The following NRXN2 variants were observed in gnomAD, a reference collection of about 807,000 sequenced individuals.
NRXN2 encodes the protein neurexin 2.
NRXN2 carries 29 observed loss-of-function variants against 128.8 expected under a neutral mutation model. That is an observed-to-expected ratio of 0.23 (90% CI 0.17 to 0.31). The LOEUF (loss-of-function observed/expected upper bound fraction) is 0.31, where lower values mean the gene tolerates loss of function less well. Ranked by LOEUF, NRXN2 falls within the 10% of genes least tolerant of loss-of-function variation. The probability of loss-of-function intolerance (pLI) is 1.00; values close to 1 mark genes in which losing one functional copy is unlikely to be tolerated. For synonymous variants in NRXN2, 1,098 were observed against 1,075.2 expected, an observed-to-expected ratio of 1.02 and a Z score of -0.41; for missense variants, 1,881 against 2,452.6, an observed-to-expected ratio of 0.77 and a Z score of 4.92.
intron 7 of NRXN2, among the ~76,000 whole-genome samples, chr11:64,669,144 T>C (rs1179507563): frequency 1.3e-5 from 2 of 152,136 alleles, no homozygotes; most frequent in East Asian, 1.9e-4. Flanking sequence ...CTGGACCCAG[T>C]AGGGAGATGG....
In NRXN2 at chr11:64,635,589, C is replaced by T. The variant is rs908129765; in HGVS notation, c.3404-137G>A. 1 of 958,614 alleles carries T rather than the reference C, an allele frequency of 1.0e-6. No homozygotes were observed. The highest frequency in any genetic ancestry group is 1.6e-6 in the Non-Finnish European group (1 of 621,854). The allele number at this position is 958,614 out of a possible 1,614,324, so 59.4% of individuals were successfully genotyped here. ...TCAGCTGTGATACCCACAGCAGCCA[C>T]CAGCCCTGCCACCCCAGGGAGAAGT... On this transcript the variant is annotated intron_variant, in intron 17 of 22. Transcript: ENST00000265459. This position sits in a 1 kb window ranked among gnomAD's most constrained non-coding sequence, Gnocchi z 4.8.
Position 64,660,938 on chromosome 11 carries a change from C to T in NRXN2, c.2000G>A (p.Ser667Asn), listed in dbSNP as rs1323339391. ...CTCAGCCAGGCCCCGGAGGTCTCGGCTACGCCCATCTATGAAGAGGTCCCG... is the reference window on the plus strand; with the variant it reads ...CTCAGCCAGGCCCCGGAGGTCTCGGTTACGCCCATCTATGAAGAGGTCCCG... Reference protein sequence around the residue: ...CVRDLFIDGRSRDLRGLAEAQ... With the variant: ...CVRDLFIDGRNRDLRGLAEAQ... Residue 667 changes from serine to asparagine, a missense_variant, in exon 10 of 23, where the codon AGC (serine) becomes AAC (asparagine). By Grantham distance (46) the Ser-to-Asn change is conservative. This residue lies in a region of NRXN2 where 997 missense variants were observed against 1,240.8 expected (regional missense o/e 0.80). Transcript: ENST00000265459. The surrounding 1 kb of genome is among the most constrained non-coding windows in gnomAD (Gnocchi z 5.2). The T allele has an allele frequency of 6.2e-7, 1 of 1,613,698 alleles. No individual in the cohort carries two copies. The highest frequency in any genetic ancestry group is 2.2e-5 in the East Asian group (1 of 44,880).
intron 6 of NRXN2, among the ~76,000 whole-genome samples, chr11:64,681,228 C>T (rs2052230619): frequency 2.0e-5 from 3 of 151,554 alleles, no homozygotes; most frequent in Admixed American, 6.6e-5. Flanking sequence ...CATGGGTCCT[C>T]GTGTCCAAAA....
At chr11:64,688,512 G>A in intron 5 of NRXN2, 4 of 985,408 alleles carry the variant, frequency 4.1e-6, no homozygotes, top group Non-Finnish European at 4.8e-6. Context: ...CTGTAGGGGC[G>A]GCGGAGGGGC....
At chr11:64,669,546 G>T (rs2050348373) in intron 7 of NRXN2, among the ~76,000 whole-genome samples, 1 of 152,246 alleles carries the variant, frequency 6.6e-6, no homozygotes, top group South Asian at 2.1e-4. Context: ...GGGAGTACTT[G>T]GTATTCCAGG....
chr11:64,651,719 A>T lies in NRXN2; in HGVS notation c.2537-83T>A. 13 of 1,453,844 alleles carry T rather than the reference A, an allele frequency of 8.9e-6. No individual in the cohort carries two copies. The highest frequency in any genetic ancestry group is 1.4e-5 in the African/African-American group (1 of 72,112). The allele number at this position is 1,453,844 out of a possible 1,614,324, so 90.1% of individuals were successfully genotyped here. ...GGGTTCCCAGGAGCCTCCCCTCCAC[A>T]GGAGGGCCACCCATGAGTGACATCT... On this transcript the variant is annotated intron_variant, in intron 13 of 22. Coordinates refer to ENST00000265459, the MANE Select transcript of NRXN2 (RefSeq NM_015080.4). This position sits in a 1 kb window ranked among gnomAD's most constrained non-coding sequence, Gnocchi z 5.9.
intron 2 of NRXN2, among the ~76,000 whole-genome samples, chr11:64,708,363 G>C (rs2056551197): frequency 6.6e-6 from 1 of 152,148 alleles, no homozygotes. Context: ...TCCACCTGAG[G>C]TCTCACACAC....
Position 64,668,542 on chromosome 11 carries a change from C to T in NRXN2, c.1260G>A (p.Met420Ile), listed in dbSNP as rs2050200492. The T allele has an allele frequency of 1.2e-6, 2 of 1,614,118 alleles. No individual in the cohort carries two copies. The highest frequency in any genetic ancestry group is 4.5e-5 in the East Asian group (2 of 44,868). ...TGTAGAAGAAGTCATCAGAGCCCAG[C>T]ATGGTGTAATCCTCCTGCGTGTAGC... is the stretch of plus-strand genomic sequence containing the variant. ...TTGYTQEDYT[M>I]LGSDDFFYIG... Residue 420 changes from methionine to isoleucine, a missense_variant, in exon 8 of 23, where the codon ATG becomes ATA. Around this residue, in one of 7 missense-constraint regions of NRXN2, gnomAD observed 997 missense variants for 1,240.8 expected, o/e 0.80. Transcript: ENST00000265459.
chr11:64,620,420 A>G (rs747739488), intron 21 of NRXN2, 48 bp from the exon 22 acceptor site: 21 of 1,446,614 alleles, frequency 1.5e-5, no homozygotes, highest in Non-Finnish European at 1.9e-5. Flanking sequence ...CAGGCAGGTC[A>G]GCAGATCCCA....
At chr11:64,620,419 C>T (rs1195292582) in intron 21 of NRXN2, 47 bp from the exon 22 acceptor site, 2 of 1,446,078 alleles carry the variant, frequency 1.4e-6, no homozygotes, top group Admixed American at 2.0e-5. Context: ...CCAGGCAGGT[C>T]AGCAGATCCC....
chr11:64,663,502 G>C (rs1478389935), intron 9 of NRXN2, among the ~76,000 whole-genome samples: 1 of 152,052 alleles, frequency 6.6e-6, no homozygotes, highest in Admixed American at 6.5e-5. Flanking sequence ...ACTTCCCAGG[G>C]CTGGGGGCCC....
intron 1 of NRXN2, among the ~76,000 whole-genome samples, chr11:64,719,820 G>A (rs12282762): frequency 6.6e-6 from 1 of 152,194 alleles, no homozygotes. Context: ...GTAAGCATGA[G>A]GTGCCTGGGA....
chr11:64,622,455 G>A lies in NRXN2; in HGVS notation c.4173+298C>T, dbSNP rs2042500810. Among the ~76,000 whole-genome samples the A allele has an allele frequency of 1.3e-5, 2 of 152,196 alleles. No individual in the cohort carries two copies. Among genetic ancestry groups the A allele is most frequent in the Admixed American group, 1.3e-4 (2 of 15,282 alleles). ...CAAGTCCAGACTTCATCTCTCTTAG[G>A]TAGGGTGGTCTTCTCTCATATAACT... On this transcript the variant is annotated intron_variant, in intron 21 of 22. Coordinates refer to ENST00000265459, the MANE Select transcript of NRXN2 (RefSeq NM_015080.4). This position sits in a 1 kb window ranked among gnomAD's most constrained non-coding sequence, Gnocchi z 4.3.
chr11:64,623,925 T>A lies in NRXN2; in HGVS notation c.3848-847A>T, dbSNP rs192244222. 13 of 152,406 alleles carry A rather than the reference T, an allele frequency of 8.5e-5. No individual in the cohort carries two copies. Among genetic ancestry groups the A allele is most frequent in the Admixed American group, 8.5e-4 (13 of 15,312 alleles). The allele number at this position is 152,406 out of a possible 1,614,324, so 9.4% of individuals were successfully genotyped here. On this transcript the variant is annotated intron_variant, in intron 20 of 22. Transcript: ENST00000265459. This position sits in a 1 kb window ranked among gnomAD's most constrained non-coding sequence, Gnocchi z 4.9. ...CCAGCTGGGTGGGGTTGGGCTGTTC[T>A]GTTTGTTTTTAGTGGATCTGGGGGT...
At chr11:64,626,107 GAACCTA>G (rs1289487733) in intron 20 of NRXN2, among the ~76,000 whole-genome samples, 1 of 152,126 alleles carries the variant, frequency 6.6e-6, no homozygotes, top group Non-Finnish European at 1.5e-5. Context: ...TGGGCAGAGG[GAACCTA>G]CCTCCAAGCT....
rs1477398370 is a variant in NRXN2, at chr11:64,632,312, T to C, written c.3586-1739A>G. On this transcript the variant is annotated intron_variant, in intron 18 of 22. Coordinates refer to ENST00000265459, the MANE Select transcript of NRXN2 (RefSeq NM_015080.4). This position sits in a 1 kb window ranked among gnomAD's most constrained non-coding sequence, Gnocchi z 4.2. The stretch of plus-strand genomic sequence containing the variant: ...ATGCATGCACACAGTCATACATGCA[T>C]GCAGCCTCTCTCCTCAGATGCAGTA... 6.6e-6 allele frequency among the ~76,000 whole-genome samples: 1 copy of C among 152,152 alleles called. No homozygotes were observed. The highest frequency in any genetic ancestry group is 1.5e-5 in the Non-Finnish European group (1 of 68,024).
chr11:64,667,185 G>A lies in NRXN2; in HGVS notation c.1798+65C>T. 6.6e-7 allele frequency: 1 copy of A among 1,519,512 alleles called. No individual in the cohort carries two copies. Among genetic ancestry groups the A allele is most frequent in the Non-Finnish European group, 9.1e-7 (1 of 1,097,072 alleles). The allele number at this position is 1,519,512 out of a possible 1,614,324, so 94.1% of individuals were successfully genotyped here. ...AAGAGACCCGCTGAAGAGAGACGGA[G>A]AGGATGTCAGGGCAGATGGAAAGGG... On this transcript the variant is annotated intron_variant, in intron 9 of 22. Coordinates refer to ENST00000265459, the MANE Select transcript of NRXN2 (RefSeq NM_015080.4). This position sits in a 1 kb window ranked among gnomAD's most constrained non-coding sequence, Gnocchi z 5.6.
intron 12 of NRXN2, among the ~76,000 whole-genome samples, chr11:64,653,103 G>A (rs993428077): frequency 5.3e-5 from 8 of 152,094 alleles, no homozygotes; most frequent in African/African-American, 1.9e-4. Flanking sequence ...CAGGCGCACT[G>A]GGATGTCTGG....
At chr11:64,653,774 C>A in intron 11 of NRXN2, 52 bp from the exon 12 acceptor site, 10 of 1,319,806 alleles carry the variant, frequency 7.6e-6, no homozygotes, top group African/African-American at 1.5e-5. Context: ...AAAGGTAAAA[C>A]AAGTTTTTTT....
Sources: allele counts gnomAD v4.1 joint callset (sites outside exome capture counted in the v4.1 genomes callset), GRCh38; gene constraint gnomAD v4.1.1; regional missense constraint gnomAD v4.1.1; non-coding constraint Gnocchi (gnomAD v3.1); transcripts MANE v1.5; gene names NCBI Gene and HGNC (gene_info 2026-07-23, HGNC 2026-07-21).